The following NPAS3 variants were observed in gnomAD, a reference collection of about 807,000 sequenced individuals.
NPAS3 encodes neuronal PAS domain-containing protein 3.
Under a neutral mutation model 73.1 loss-of-function variants are expected in NPAS3, and 14 were observed. That is an observed-to-expected ratio of 0.19 (90% CI 0.13 to 0.30). NPAS3 has a LOEUF of 0.30. Among genes scored for constraint, NPAS3 ranks in the 10% least tolerant of loss-of-function variants. The probability of loss-of-function intolerance (pLI) is 1.00; values close to 1 mark genes in which losing one functional copy is unlikely to be tolerated. For synonymous variants in NPAS3, 620 were observed against 541.5 expected, an observed-to-expected ratio of 1.14 and a Z score of -2.01; for missense variants, 1,096 against 1,250.0, an observed-to-expected ratio of 0.88 and a Z score of 1.86.
At chr14:33,263,686 C>T (rs1232169219) in intron 3 of NPAS3, among the ~76,000 whole-genome samples, 1 of 152,064 alleles carries the variant, frequency 6.6e-6, no homozygotes, top group African/African-American at 2.4e-5. Flanking sequence ...ATGGGGATGG[C>T]ATTGAATCTA....
At chr14:33,664,586 A>C (rs1004758646) in intron 5 of NPAS3, among the ~76,000 whole-genome samples, 6 of 152,256 alleles carry the variant, frequency 3.9e-5, no homozygotes, top group African/African-American at 1.4e-4. Flanking sequence ...GGCAATCTAC[A>C]GAATGGGAGA....
intron 3 of NPAS3, among the ~76,000 whole-genome samples, chr14:33,314,988 G>T (rs1045105049): frequency 6.6e-6 from 1 of 152,070 alleles, no homozygotes; most frequent in Non-Finnish European, 1.5e-5. Context: ...TTCAGTGAAA[G>T]AGCTAAATAA....
At chr14:33,406,973 C>T (rs998493380) in intron 4 of NPAS3, among the ~76,000 whole-genome samples, 1 of 152,106 alleles carries the variant, frequency 6.6e-6, no homozygotes, top group Non-Finnish European at 1.5e-5. Context: ...GGTAATTGCC[C>T]TGTTCTTCTA....
intron 6 of NPAS3, among the ~76,000 whole-genome samples, chr14:33,690,678 A>G (rs751432650): frequency 6.6e-6 from 1 of 152,160 alleles, no homozygotes; most frequent in African/African-American, 2.4e-5. Flanking sequence ...TACAAGAGTC[A>G]TTTCAATTAA....
chr14:33,447,386 G>A (rs1437750629), intron 4 of NPAS3, among the ~76,000 whole-genome samples: 2 of 152,208 alleles, frequency 1.3e-5, no homozygotes, highest in Non-Finnish European at 2.9e-5. Flanking sequence ...GTGTGTGTGT[G>A]GGCGCACGCA....
intron 2 of NPAS3, among the ~76,000 whole-genome samples, chr14:33,154,925 C>T (rs1051458811): frequency 2.0e-5 from 3 of 152,102 alleles, no homozygotes; most frequent in Admixed American, 6.6e-5. Flanking sequence ...AGTTGATTTG[C>T]GTTTTTGGTA....
intron 4 of NPAS3, among the ~76,000 whole-genome samples, chr14:33,473,262 T>C (rs2050869344): frequency 6.6e-6 from 1 of 152,130 alleles, no homozygotes; most frequent in Non-Finnish European, 1.5e-5. Flanking sequence ...AACATATAAA[T>C]GCAAGGCCTC....
chr14:33,516,625 A>G (rs1403184391), intron 4 of NPAS3, among the ~76,000 whole-genome samples: 2 of 152,164 alleles, frequency 1.3e-5, no homozygotes, highest in South Asian at 2.1e-4. Context: ...TTATCCTGAA[A>G]GTGGGGCTGA....
chr14:33,346,506 T>C (rs1433488638), intron 3 of NPAS3, among the ~76,000 whole-genome samples: 3 of 122,324 alleles, frequency 2.5e-5, no homozygotes, highest in Non-Finnish European at 4.7e-5. Context: ...CTAGCCTGGA[T>C]GACACAGTGA....
At chr14:33,013,596 T>C (rs2039289238) in intron 1 of NPAS3, among the ~76,000 whole-genome samples, 1 of 152,108 alleles carries the variant, frequency 6.6e-6, no homozygotes, top group African/African-American at 2.4e-5. Context: ...TTTTTATACA[T>C]CTATACATTT....
chr14:33,325,168 AAAT>A (rs2043640058), intron 3 of NPAS3, among the ~76,000 whole-genome samples: 1 of 152,150 alleles, frequency 6.6e-6, no homozygotes, highest in African/African-American at 2.4e-5. Context: ...TTTTTTTAAA[AAAT>A]TAATTTTTAA....
intron 5 of NPAS3, among the ~76,000 whole-genome samples, chr14:33,635,364 A>G (rs1173579014): frequency 6.6e-6 from 1 of 152,232 alleles, no homozygotes; most frequent in Non-Finnish European, 1.5e-5. Flanking sequence ...TAGAGATAAG[A>G]GGCTTAGATT....
At chr14:33,249,344 C>A (rs909767209) in intron 3 of NPAS3, among the ~76,000 whole-genome samples, 1 of 44,564 alleles carries the variant, frequency 2.2e-5, no homozygotes, top group Non-Finnish European at 4.0e-5. Context: ...TTCCCGTCCC[C>A]CCCACCTTTT....
intron 6 of NPAS3, among the ~76,000 whole-genome samples, chr14:33,723,832 C>T (rs920876906): frequency 2.0e-5 from 3 of 152,212 alleles, no homozygotes; most frequent in African/African-American, 7.2e-5. Context: ...TCAGCTCATG[C>T]TCCACAGCCT....
chr14:33,054,856 C>G (rs938400318), intron 1 of NPAS3, among the ~76,000 whole-genome samples: 3 of 152,156 alleles, frequency 2.0e-5, no homozygotes, highest in Non-Finnish European at 4.4e-5. Flanking sequence ...TCGTGATCCG[C>G]CTGCCTCGGC....
chr14:33,784,737 ATTTATTTATTTTT>A (rs2063097306), intron 9 of NPAS3, among the ~76,000 whole-genome samples: 1 of 80,160 alleles, frequency 1.2e-5, no homozygotes, highest in African/African-American at 6.6e-5. Context: ...TTATTTATTT[ATTTATTTATTTTT>A]TTTTTTTTTT....
intron 4 of NPAS3, among the ~76,000 whole-genome samples, chr14:33,468,855 G>A (rs1380653250): frequency 3.9e-5 from 6 of 152,136 alleles, no homozygotes; most frequent in Non-Finnish European, 7.4e-5. Flanking sequence ...TTTAAAGGGA[G>A]TCTTGCCTTG....
At chr14:33,483,713 C>T (rs1037685252) in intron 4 of NPAS3, among the ~76,000 whole-genome samples, 14 of 152,148 alleles carry the variant, frequency 9.2e-5, no homozygotes, top group African/African-American at 3.1e-4. Context: ...AACTAGTTGT[C>T]ACCTCACATG....
chr14:33,721,948 C>T (rs549152663), intron 6 of NPAS3, among the ~76,000 whole-genome samples: 51 of 152,264 alleles, frequency 3.3e-4, no homozygotes, highest in African/African-American at 1.9e-4. Flanking sequence ...TTCATTCTCA[C>T]GTCAGGTCGA....
Sources: allele counts gnomAD v4.1 joint callset (sites outside exome capture counted in the v4.1 genomes callset), GRCh38; gene constraint gnomAD v4.1.1; transcripts MANE v1.5; gene names NCBI Gene and HGNC (gene_info 2026-07-23, HGNC 2026-07-21).